FRMD4A: variants seen among roughly 807,000 people sequenced by gnomAD.
FRMD4A encodes the protein FERM domain containing 4A, also known as FERM domain-containing protein 4A.
In FRMD4A, 29 loss-of-function variants were observed where a neutral mutation model predicts 129.1. The ratio of observed to expected loss-of-function variants is 0.22; its 90% CI spans 0.17 to 0.31. The LOEUF (loss-of-function observed/expected upper bound fraction) is 0.31, where lower values mean the gene tolerates loss of function less well. FRMD4A is among the 10% of genes least tolerant of loss of function. The probability of loss-of-function intolerance (pLI) is 1.00; values close to 1 mark genes in which losing one functional copy is unlikely to be tolerated. For synonymous variants in FRMD4A, 634 were observed against 571.6 expected (o/e 1.11, Z -1.56); for missense variants, 1,272 against 1,375.8 (o/e 0.92, Z 1.19).
intron 2 of FRMD4A, among the ~76,000 whole-genome samples, chr10:13,902,922 C>G (rs1350730126): frequency 6.6e-6 from 1 of 151,486 alleles, no homozygotes; most frequent in African/African-American, 2.4e-5. Flanking sequence ...GTCTCTGATT[C>G]TTAGCTTGGG....
chr10:14,244,694 C>A (rs998482232), intron 2 of FRMD4A, among the ~76,000 whole-genome samples: 8 of 152,158 alleles, frequency 5.3e-5, no homozygotes, highest in African/African-American at 1.4e-4. Flanking sequence ...AATGAACCTG[C>A]AAGGAAATAT....
intron 2 of FRMD4A, among the ~76,000 whole-genome samples, chr10:14,156,655 T>A (rs1840617577): frequency 6.6e-6 from 1 of 152,172 alleles, no homozygotes; most frequent in Non-Finnish European, 1.5e-5. Flanking sequence ...GTTTATACCC[T>A]TCGTATGTTT....
intron 2 of FRMD4A, among the ~76,000 whole-genome samples, chr10:14,158,798 G>A (rs1408641296): frequency 6.8e-6 from 1 of 147,490 alleles, no homozygotes; most frequent in Non-Finnish European, 1.5e-5. Flanking sequence ...GGAGGAAGAA[G>A]AGAAGAAGGA....
chr10:14,097,664 CTAGT>C (rs936756920), intron 2 of FRMD4A, among the ~76,000 whole-genome samples: 15 of 151,524 alleles, frequency 9.9e-5, no homozygotes, highest in Non-Finnish European at 1.9e-4. Context: ...TTTATATATA[CTAGT>C]TAGTTTTAGT....
intron 2 of FRMD4A, among the ~76,000 whole-genome samples, chr10:14,124,993 C>T (rs528442546): frequency 3.9e-5 from 6 of 152,260 alleles, no homozygotes; most frequent in South Asian, 2.1e-4. Context: ...CCTTTGACAA[C>T]GTCAATTTTT....
intron 2 of FRMD4A, among the ~76,000 whole-genome samples, chr10:13,951,698 TG>T (rs540635100): frequency 2.0e-3 from 309 of 152,042 alleles, no homozygotes; most frequent in African/African-American, 7.1e-3. Context: ...AAGACGAGCC[TG>T]GCCAACATGG....
intron 3 of FRMD4A, among the ~76,000 whole-genome samples, chr10:13,846,418 C>T (rs906375476): frequency 6.6e-6 from 1 of 152,224 alleles, no homozygotes; most frequent in East Asian, 1.9e-4. Context: ...CTGAGATCCC[C>T]GCAGAGCCTC....
chr10:14,059,409 G>A (rs1445065454), intron 2 of FRMD4A, among the ~76,000 whole-genome samples: 2 of 152,180 alleles, frequency 1.3e-5, no homozygotes, highest in Admixed American at 6.5e-5. Flanking sequence ...ATATGGGTGA[G>A]GCCCTGATTG....
At chr10:13,781,621 G>A (rs547964801) in intron 6 of FRMD4A, among the ~76,000 whole-genome samples, 176 of 152,026 alleles carry the variant, frequency 1.2e-3, no homozygotes, top group Non-Finnish European at 1.1e-3. Flanking sequence ...CAGGTGATCC[G>A]CCTGCCTCGG....
chr10:14,266,160 G>C (rs1171889686), intron 2 of FRMD4A, among the ~76,000 whole-genome samples: 1 of 151,830 alleles, frequency 6.6e-6, no homozygotes, highest in East Asian at 1.9e-4. Flanking sequence ...TTTGTCCTGG[G>C]GGTGGGAGGG....
intron 2 of FRMD4A, among the ~76,000 whole-genome samples, chr10:14,216,922 A>G (rs1843091875): frequency 6.6e-6 from 1 of 152,074 alleles, no homozygotes; most frequent in Non-Finnish European, 1.5e-5. Context: ...ATAATAATTC[A>G]GTTTGTTTAA....
At chr10:13,691,947 C>G (rs1292987958) in intron 15 of FRMD4A, among the ~76,000 whole-genome samples, 1 of 152,032 alleles carries the variant, frequency 6.6e-6, no homozygotes, top group East Asian at 1.9e-4. Flanking sequence ...TCTCTTTGAT[C>G]CTTGAAGACA....
chr10:14,198,459 G>A (rs1000912729), intron 2 of FRMD4A, among the ~76,000 whole-genome samples: 3 of 152,222 alleles, frequency 2.0e-5, no homozygotes, highest in Admixed American at 6.5e-5. Flanking sequence ...CAAAGGCAGA[G>A]GAAGTGTCCA....
At chr10:13,725,845 C>T (rs2089853269) in intron 12 of FRMD4A, among the ~76,000 whole-genome samples, 1 of 152,250 alleles carries the variant, frequency 6.6e-6, no homozygotes, top group East Asian at 1.9e-4. Flanking sequence ...GCCAATGCCA[C>T]TTTTATCCTG....
intron 2 of FRMD4A, among the ~76,000 whole-genome samples, chr10:14,066,770 G>T (rs1013690418): frequency 4.6e-5 from 7 of 152,040 alleles, no homozygotes; most frequent in Non-Finnish European, 7.4e-5. Flanking sequence ...ATAAAAATCT[G>T]CAAAGCAAAA....
chr10:14,068,936 C>T (rs932453616), intron 2 of FRMD4A, among the ~76,000 whole-genome samples: 17 of 144,752 alleles, frequency 1.2e-4, no homozygotes, highest in Middle Eastern at 3.5e-3. Context: ...CTTTCTCTCT[C>T]TTAAATACGT....
At chr10:14,178,627 T>C (rs546463055) in intron 2 of FRMD4A, among the ~76,000 whole-genome samples, 2 of 152,246 alleles carry the variant, frequency 1.3e-5, no homozygotes, top group East Asian at 1.9e-4. Context: ...TGAAGAATAA[T>C]TGTCAGATCA....
rs535742992 is a variant in FRMD4A at position 13,817,458 on chromosome 10, C to T, written c.112-6550G>A. On this transcript the variant is annotated intron_variant, in intron 3 of 24. Coordinates refer to ENST00000357447, the MANE Select transcript of FRMD4A (RefSeq NM_018027.5). ...CTTAACGTGTTGCAGGGCTGTAAAG[C>T]GCTCTAGGCACACTGATATGGTTTG... Among the ~76,000 whole-genome samples, 19 of 152,342 alleles carry T rather than the reference C, an allele frequency of 1.2e-4. No individual in the cohort carries two copies. In the South Asian group the frequency reaches 2.3e-3, roughly 18 times the overall value.
At chr10:13,967,323 C>G (rs1490261441) in intron 2 of FRMD4A, among the ~76,000 whole-genome samples, 1 of 150,868 alleles carries the variant, frequency 6.6e-6, no homozygotes, top group African/African-American at 2.4e-5. Context: ...GGCGACAGAG[C>G]GAGACTCCGT....
Sources: allele counts gnomAD v4.1 joint callset (sites outside exome capture counted in the v4.1 genomes callset), GRCh38; gene constraint gnomAD v4.1.1; transcripts MANE v1.5; gene names NCBI Gene and HGNC (gene_info 2026-07-23, HGNC 2026-07-21).